PDE1C: variants seen among roughly 807,000 people sequenced by gnomAD.
PDE1C encodes the protein dual specificity calcium/calmodulin-dependent 3',5'-cyclic nucleotide phosphodiesterase 1C.
PDE1C carries 62 observed loss-of-function variants against 93.1 expected under a neutral mutation model. The observed-to-expected ratio is 0.67, with a 90% CI of 0.54 to 0.82. The LOEUF is 0.82. Among genes scored for constraint, PDE1C ranks in the 40% least tolerant of loss-of-function variants. PDE1C has a pLI of 0.00. For synonymous variants in PDE1C, 325 were observed against 310.1 expected, an observed-to-expected ratio of 1.05 and a Z score of -0.50; for missense variants, 742 against 884.6, an observed-to-expected ratio of 0.84 and a Z score of 2.04.
At chr7:32,040,414 C>A (rs1384524591) in intron 2 of PDE1C, among the ~76,000 whole-genome samples, 1 of 152,162 alleles carries the variant, frequency 6.6e-6, no homozygotes. Flanking sequence ...GGTCTCTATT[C>A]ACTTGATACC....
the PDE1C span, chr7:31,656,138 T>A: frequency 9.2e-6 from 5 of 543,532 alleles, no homozygotes; most frequent in Non-Finnish European, 1.2e-5. Context: ...TTTGCTTTTT[T>A]GTTAAAACAC....
At chr7:32,001,909 A>C (rs1303215837) in intron 2 of PDE1C, among the ~76,000 whole-genome samples, 1 of 152,126 alleles carries the variant, frequency 6.6e-6, no homozygotes, top group Admixed American at 6.5e-5. Context: ...AAATACAAAA[A>C]TTAGCTGAGC....
At chr7:31,879,836 G>A (rs939255486) in intron 3 of PDE1C, among the ~76,000 whole-genome samples, 1 of 152,054 alleles carries the variant, frequency 6.6e-6, no homozygotes, top group Admixed American at 6.6e-5. Flanking sequence ...ACCTAAAATA[G>A]CATGTCATAT....
At chr7:31,794,085 CAGACAGAT>C (rs1190337036) in intron 16 of PDE1C, among the ~76,000 whole-genome samples, 270 of 137,360 alleles carry the variant, frequency 2.0e-3, no homozygotes, top group East Asian at 0.019. Flanking sequence ...GACAGACAGA[CAGACAGAT>C]AGATAGACAG....
intron 1 of PDE1C, among the ~76,000 whole-genome samples, chr7:32,366,650 A>C (rs1368747232): frequency 1.3e-5 from 2 of 152,182 alleles, no homozygotes; most frequent in Non-Finnish European, 2.9e-5. Context: ...CAAACAAAGA[A>C]TTTTAAAAGC....
At chr7:32,304,662 C>T (rs2128902877) in intron 1 of PDE1C, among the ~76,000 whole-genome samples, 1 of 152,148 alleles carries the variant, frequency 6.6e-6, no homozygotes, top group East Asian at 1.9e-4. Flanking sequence ...CAAAAAGCTC[C>T]TCTACTTGCT....
intron 1 of PDE1C, among the ~76,000 whole-genome samples, chr7:32,388,062 T>C (rs1450099761): frequency 1.3e-5 from 2 of 152,234 alleles, no homozygotes. Context: ...AAGTTCTTCA[T>C]GGCTATTGTG....
chr7:32,052,535 C>A (rs1329476246), intron 1 of PDE1C, among the ~76,000 whole-genome samples: 5 of 152,168 alleles, frequency 3.3e-5, no homozygotes, highest in Admixed American at 3.3e-4. Flanking sequence ...GAAAGAAAAT[C>A]CATCTCCTTG....
Position 31,939,213 on chromosome 7 carries a change from A to G in PDE1C, c.129-58353T>C, listed in dbSNP as rs150344365. On this transcript the variant is annotated intron_variant, in intron 2 of 17. Coordinates refer to ENST00000396191, the MANE Select transcript of PDE1C (RefSeq NM_001191057.4). ...ATCTCTCTGTTAAACACACAGAGAG[A>G]GAGACAGAAGAAGAAGAAGGAGGAG... is the stretch of plus-strand genomic sequence containing the variant. Among the ~76,000 whole-genome samples the G allele has an allele frequency of 3.1e-3, 465 of 152,026 alleles. 2 individuals are homozygous for G. Among genetic ancestry groups the G allele is most frequent in the African/African-American group, 0.011 (450 of 41,308 alleles).
At chr7:32,058,760 A>G (rs899712032) in intron 1 of PDE1C, among the ~76,000 whole-genome samples, 5 of 152,212 alleles carry the variant, frequency 3.3e-5, no homozygotes, top group African/African-American at 4.8e-5. Context: ...AAATATATAC[A>G]TAAACTGGTG....
At chr7:32,124,180 A>G (rs996909203) in intron 3 of PDE1C, among the ~76,000 whole-genome samples, 1 of 152,220 alleles carries the variant, frequency 6.6e-6, no homozygotes, top group Non-Finnish European at 1.5e-5. Context: ...GGAGAACTAC[A>G]AACCACTGCT....
chr7:31,738,565 AG>A, the PDE1C span, among the ~76,000 whole-genome samples: 6 of 152,290 alleles, frequency 3.9e-5, no homozygotes, highest in Non-Finnish European at 8.8e-5. Context: ...GACACTGCCA[AG>A]CCATATCACA....
intron 1 of PDE1C, among the ~76,000 whole-genome samples, chr7:32,246,043 A>C (rs1476798022): frequency 6.9e-6 from 1 of 144,964 alleles, no homozygotes; most frequent in Non-Finnish European, 1.5e-5. Flanking sequence ...ATCAGAGCTC[A>C]CTGAAGCCTC....
At chr7:31,744,056 T>C in the PDE1C span, among the ~76,000 whole-genome samples, 1 of 152,140 alleles carries the variant, frequency 6.6e-6, no homozygotes, top group East Asian at 1.9e-4. Context: ...GAAATGGAAG[T>C]TGGGTCAGCA....
intron 2 of PDE1C, among the ~76,000 whole-genome samples, chr7:31,998,878 C>G (rs991978583): frequency 2.6e-5 from 4 of 151,678 alleles, no homozygotes; most frequent in African/African-American, 7.3e-5. Flanking sequence ...TTAATTACAG[C>G]TACTCTCTAT....
intron 1 of PDE1C, among the ~76,000 whole-genome samples, chr7:32,377,355 C>A (rs1784450936): frequency 6.6e-6 from 1 of 152,210 alleles, no homozygotes. Flanking sequence ...ACTATTATAA[C>A]CACAATACAT....
At chr7:32,339,191 T>C (rs563713805) in intron 1 of PDE1C, among the ~76,000 whole-genome samples, 1 of 151,604 alleles carries the variant, frequency 6.6e-6, no homozygotes, top group African/African-American at 2.4e-5. Flanking sequence ...TTAAAAGTCA[T>C]AATAGGACAA....
At chr7:31,625,605 C>T in the PDE1C span, among the ~76,000 whole-genome samples, 1 of 151,910 alleles carries the variant, frequency 6.6e-6, no homozygotes, top group Admixed American at 6.5e-5. Context: ...GGGAACATCA[C>T]ACTCTGGGGA....
chr7:31,695,227 T>A, the PDE1C span, among the ~76,000 whole-genome samples: 1 of 152,222 alleles, frequency 6.6e-6, no homozygotes, highest in African/African-American at 2.4e-5. Flanking sequence ...GCCTCGGTGA[T>A]CCATCCATTT....
Sources: allele counts gnomAD v4.1 joint callset (sites outside exome capture counted in the v4.1 genomes callset), GRCh38; gene constraint gnomAD v4.1.1; transcripts MANE v1.5; gene names NCBI Gene and HGNC (gene_info 2026-07-23, HGNC 2026-07-21).